Variants in GLG1 observed in about 807,000 individuals in gnomAD.
The protein encoded by GLG1 is Golgi apparatus protein 1.
A neutral mutation model predicts 160.5 loss-of-function variants in GLG1; 38 were observed. The ratio of observed to expected loss-of-function variants is 0.24; its 90% CI spans 0.18 to 0.31. The LOEUF (loss-of-function observed/expected upper bound fraction) is 0.31. Ranked by LOEUF, GLG1 falls within the 10% of genes least tolerant of loss-of-function variation. The pLI is 1.00. For synonymous variants in GLG1, 644 were observed against 543.4 expected (o/e 1.19, Z -2.57); for missense variants, 1,373 against 1,505.2 (o/e 0.91, Z 1.45).
intron 25 of GLG1, among the ~76,000 whole-genome samples, chr16:74,454,892 G>C (rs1261487944): frequency 6.6e-6 from 1 of 150,870 alleles, no homozygotes; most frequent in African/African-American, 2.4e-5. Flanking sequence ...CAAAAACAAT[G>C]TGCAGGCCGA....
chr16:74,560,900 T>A (rs2018493785), intron 1 of GLG1, among the ~76,000 whole-genome samples: 1 of 152,160 alleles, frequency 6.6e-6, no homozygotes, highest in Non-Finnish European at 1.5e-5. Flanking sequence ...GTAAAGAAAG[T>A]AAGATATGTT....
rs1597207409 is a variant in GLG1, at chr16:74,450,281, T to C, written c.*2886A>G. The C allele has an allele frequency of 1.3e-5, 2 of 152,448 alleles. No homozygotes were observed. The highest frequency in any genetic ancestry group is 3.9e-4 in the East Asian group (2 of 5,188). The allele number at this position is 152,448 out of a possible 1,614,324, so 9.4% of individuals were successfully genotyped here. A position where few individuals can be genotyped will look rare whatever the true frequency, so the allele number is the denominator to read the frequency against. On this transcript the variant is annotated 3_prime_UTR_variant, in exon 26 of 26. Coordinates refer to ENST00000422840, the MANE Select transcript of GLG1 (RefSeq NM_001145667.2). ...ACAGAAGGGTCATTGTTTCTTTTCT[T>C]GACCATTTCTCAGCCAGTTGACTGA... is the stretch of plus-strand genomic sequence containing the variant.
In GLG1 at chr16:74,512,594, A is replaced by C. The variant is rs564992578; in HGVS notation, c.472-3669T>G. On this transcript the variant is annotated intron_variant, in intron 2 of 25. Coordinates refer to ENST00000422840, the MANE Select transcript of GLG1 (RefSeq NM_001145667.2). ...TCTTAAGACATCCATCCATGAATCT[A>C]TCTGTTCATCCATCCCAAACGTGTA... Among the ~76,000 whole-genome samples, 4 of 151,940 alleles carry C rather than the reference A, an allele frequency of 2.6e-5. No individual in the cohort carries two copies. The South Asian group carries it at 8.3e-4, about 32-fold the overall frequency.
intron 24 of GLG1, 132 bp from the exon 25 acceptor site, chr16:74,456,887 C>G (rs1342955451): frequency 3.0e-6 from 2 of 658,066 alleles, no homozygotes; most frequent in African/African-American, 3.7e-5. Flanking sequence ...TAAATACATA[C>G]TAGGAAACTT....
At chr16:74,502,299 C>G (rs2016433185) in intron 4 of GLG1, among the ~76,000 whole-genome samples, 1 of 152,086 alleles carries the variant, frequency 6.6e-6, no homozygotes, top group Non-Finnish European at 1.5e-5. Flanking sequence ...GGCCAGATCT[C>G]TATTGTGACC....
chr16:74,556,292 A>G (rs2018351160), intron 1 of GLG1, among the ~76,000 whole-genome samples: 1 of 152,204 alleles, frequency 6.6e-6, no homozygotes, highest in African/African-American at 2.4e-5. Context: ...AAGCAACAGT[A>G]AGTAGCTATT....
intron 1 of GLG1, among the ~76,000 whole-genome samples, chr16:74,600,978 AC>A (rs1420952885): frequency 1.3e-5 from 2 of 152,196 alleles, no homozygotes; most frequent in African/African-American, 4.8e-5. Context: ...GTGTCCTTCC[AC>A]AATGATAGGT....
intron 1 of GLG1, among the ~76,000 whole-genome samples, chr16:74,599,082 G>A (rs931410117): frequency 5.3e-5 from 8 of 152,168 alleles, no homozygotes. Context: ...ACTATATACT[G>A]TAAAGCATTC....
rs540762165 is a variant in GLG1 at position 74,449,960 on chromosome 16, C to T, written c.*3207G>A. ...GGGAGAAGCTCCATTGTGAACAGTTCGTCTTGTTCTTAATAGTTTGCCCAG... is the reference window on the plus strand; with the variant it reads ...GGGAGAAGCTCCATTGTGAACAGTTTGTCTTGTTCTTAATAGTTTGCCCAG... On this transcript the variant is annotated 3_prime_UTR_variant, in exon 26 of 26. Transcript: ENST00000422840. 2.6e-5 allele frequency: 4 copies of T among 152,372 alleles called. No homozygotes were observed. The highest frequency in any genetic ancestry group is 2.1e-4 in the South Asian group (1 of 4,828). 9.4% of individuals were successfully genotyped at this position (152,372 alleles called of 1,614,324 possible).
intron 11 of GLG1, among the ~76,000 whole-genome samples, chr16:74,479,073 A>AAAAAAAAAAAAAAAAAG (rs1567469672): frequency 1.5e-5 from 2 of 134,312 alleles, no homozygotes; most frequent in African/African-American, 5.6e-5. Flanking sequence ...AAAAAAAAAA[A>AAAAAAAAAAAAAAAAAG]AAAAAGCCAG....
In GLG1 at chr16:74,465,831, T is replaced by C. The variant is rs759175903; in HGVS notation, c.2530-18A>G. 34 of 1,612,126 alleles carry C rather than the reference T, an allele frequency of 2.1e-5. No individual in the cohort carries two copies. In the Admixed American group the frequency reaches 3.5e-4, roughly 17 times the overall value. On this transcript the variant is annotated intron_variant, in intron 18 of 25. Coordinates refer to ENST00000422840, the MANE Select transcript of GLG1 (RefSeq NM_001145667.2). Reference sequence around the variant, plus strand: ...TCGATAATCTATGGCAAAAGAGTTATAGTCAAGTTGAGAGATGTCAGAGAC... The same window carrying C: ...TCGATAATCTATGGCAAAAGAGTTACAGTCAAGTTGAGAGATGTCAGAGAC...
chr16:74,469,197 T>C, intron 16 of GLG1, 134 bp from the exon 17 acceptor site: 1 of 646,502 alleles, frequency 1.5e-6, no homozygotes, highest in Non-Finnish European at 2.8e-6. Context: ...TAAGGCTCAC[T>C]GTATTTTTTT....
At chr16:74,505,075 C>T (rs188073294) in intron 3 of GLG1, among the ~76,000 whole-genome samples, 2 of 152,254 alleles carry the variant, frequency 1.3e-5, no homozygotes, top group Admixed American at 6.5e-5. Flanking sequence ...CTTTATTTGT[C>T]CTTTGAATGC....
At chr16:74,578,811 A>G (rs763014194) in intron 1 of GLG1, among the ~76,000 whole-genome samples, 50 of 152,246 alleles carry the variant, frequency 3.3e-4, no homozygotes, top group Non-Finnish European at 6.9e-4. Flanking sequence ...ATGCAGTATC[A>G]TAAGTCATTC....
chr16:74,581,338 A>G (rs960038944), intron 1 of GLG1, among the ~76,000 whole-genome samples: 1 of 152,128 alleles, frequency 6.6e-6, no homozygotes, highest in Admixed American at 6.6e-5. Context: ...TCTGATACAC[A>G]TGCCGCAACA....
At chr16:74,569,790 G>A (rs1597357235) in intron 1 of GLG1, among the ~76,000 whole-genome samples, 1 of 150,982 alleles carries the variant, frequency 6.6e-6, no homozygotes, top group East Asian at 1.9e-4. Flanking sequence ...TTGAACCTGG[G>A]GAACAGAGTT....
chr16:74,487,144 G>A (rs898268935), intron 8 of GLG1, among the ~76,000 whole-genome samples: 1 of 152,108 alleles, frequency 6.6e-6, no homozygotes, highest in South Asian at 2.1e-4. Context: ...GAACTCAAGT[G>A]ATCCGCCCAC....
chr16:74,462,677 C>A, intron 20 of GLG1, 47 bp from the exon 21 acceptor site: 1 of 1,593,220 alleles, frequency 6.3e-7, no homozygotes, highest in South Asian at 1.1e-5. Context: ...CCACCTGATT[C>A]ACACATTTTT....
intron 1 of GLG1, among the ~76,000 whole-genome samples, chr16:74,550,804 C>T (rs1011861513): frequency 1.5e-4 from 23 of 152,096 alleles, no homozygotes; most frequent in Admixed American, 2.0e-4. Flanking sequence ...GTGAAATATA[C>T]AGAAACAGCT....
Sources: allele counts gnomAD v4.1 joint callset (sites outside exome capture counted in the v4.1 genomes callset), GRCh38; gene constraint gnomAD v4.1.1; transcripts MANE v1.5; gene names NCBI Gene and HGNC (gene_info 2026-07-23, HGNC 2026-07-21).